Variants in CCDC144A observed in about 807,000 individuals in gnomAD.
The protein encoded by CCDC144A is coiled-coil domain-containing protein 144A.
In CCDC144A, 41 loss-of-function variants were observed where a neutral mutation model predicts 143.8. The ratio of observed to expected loss-of-function variants is 0.29; its 90% confidence interval spans 0.22 to 0.37. The LOEUF (loss-of-function observed/expected upper bound fraction) is 0.37, where lower values mean the gene tolerates loss of function less well. CCDC144A is among the 10% of genes least tolerant of loss of function. The probability of loss-of-function intolerance (pLI) is 1.00; values close to 1 mark genes in which losing one functional copy is unlikely to be tolerated. For synonymous variants in CCDC144A, 242 were observed against 517.9 expected (o/e 0.47, Z 7.23); for missense variants, 637 against 1,488.8 (o/e 0.43, Z 9.41).
chr17:16,695,429 T>A (rs1055396368), intron 2 of CCDC144A: 3 of 151,586 alleles, frequency 2.0e-5, no homozygotes, highest in African/African-American at 7.3e-5. Flanking sequence ...CTCTACTAAA[T>A]TTTTTAAAAA....
intron 12 of CCDC144A, among the ~76,000 whole-genome samples, chr17:16,743,268 G>A (rs554476407): frequency 6.6e-6 from 1 of 151,552 alleles, no homozygotes; most frequent in African/African-American, 2.4e-5. Context: ...TTTTGTATAT[G>A]GTGAAAGATA....
intron 12 of CCDC144A, among the ~76,000 whole-genome samples, chr17:16,755,010 T>G (rs1915009392): frequency 1.3e-5 from 2 of 152,232 alleles, no homozygotes; most frequent in South Asian, 4.1e-4. Flanking sequence ...TTTATTTTAT[T>G]TTTTTTACTT....
intron 2 of CCDC144A, among the ~76,000 whole-genome samples, chr17:16,698,827 A>T (rs1597532686): frequency 6.6e-6 from 1 of 152,254 alleles, no homozygotes; most frequent in African/African-American, 2.4e-5. Flanking sequence ...CAGTTTAGAC[A>T]AACTGACATT....
intron 3 of CCDC144A, chr17:16,705,645 G>C (rs1430241528): frequency 3.9e-5 from 18 of 465,286 alleles, no homozygotes; most frequent in Non-Finnish European, 7.9e-6. Context: ...TTAGAATATA[G>C]GGACTAAGTA....
chr17:16,715,755 G>A (rs1912711746), intron 6 of CCDC144A, among the ~76,000 whole-genome samples: 1 of 152,242 alleles, frequency 6.6e-6, no homozygotes, highest in South Asian at 2.1e-4. Flanking sequence ...TGCGGGAGGA[G>A]CGGACTTGAA....
chr17:16,686,747 AACACACACACACACACACAC>A (rs142329474), upstream of CCDC144A, among the ~76,000 whole-genome samples: 1 of 140,394 alleles, frequency 7.1e-6, no homozygotes, highest in East Asian at 2.0e-4. Context: ...CACACACACA[AACACACACACACACACACAC>A]ACACACACAC....
At position 16,709,214 on chromosome 17, in the gene CCDC144A, A is replaced by G. The variant is rs751072609; in HGVS notation, c.1157A>G (p.His386Arg). The part of the protein sequence containing the change: ...YYHPYSGSQE[H>R]VCQSSSKFHL... ...CATCCATACTCTGGGTCCCAGGAAC[A>G]TGTTTGCCAGTCATCTTCTAAGTTT... The change falls in exon 5 of 17, where the codon CAT becomes CGT. Residue 386 changes from histidine to arginine, a missense_variant. Coordinates refer to ENST00000399273, the MANE Select transcript of CCDC144A (RefSeq NM_001382000.1). The G allele has an allele frequency of 1.9e-6, 3 of 1,611,756 alleles. No individual in the cohort carries two copies. Among genetic ancestry groups the G allele is most frequent in the Non-Finnish European group, 2.5e-6 (3 of 1,179,664 alleles).
chr17:16,737,730 C>G (rs921954681), intron 12 of CCDC144A: 70 of 668,762 alleles, frequency 1.0e-4, no homozygotes, highest in Non-Finnish European at 1.4e-4. Context: ...GAAATAATGT[C>G]AGATGTTTTA....
Position 16,751,936 on chromosome 17 carries a change from C to G in CCDC144A, c.3373-9489C>G, listed in dbSNP as rs545556048. Among the ~76,000 whole-genome samples, 5 of 152,350 alleles carry G rather than the reference C, an allele frequency of 3.3e-5. No homozygotes were observed. The East Asian group carries it at 9.7e-4, about 29-fold the overall frequency. On this transcript the variant is annotated intron_variant, in intron 12 of 16. Transcript: ENST00000399273. ...CAGGCCCAACTAGGTAGTTTTGTCC[C>G]CCAGCCTTCTGTGCCCAGATCAACT...
chr17:16,686,604 G>A (rs1230404149), upstream of CCDC144A, among the ~76,000 whole-genome samples: 5 of 151,746 alleles, frequency 3.3e-5, no homozygotes, highest in Non-Finnish European at 5.9e-5. Flanking sequence ...CCAGGAGTTC[G>A]GGACCAGCCT....
At chr17:16,700,179 G>C (rs1266918973) in intron 2 of CCDC144A, among the ~76,000 whole-genome samples, 1 of 152,134 alleles carries the variant, frequency 6.6e-6, no homozygotes, top group African/African-American at 2.4e-5. Context: ...AGGAAAAGGT[G>C]CATGTGTCAA....
the CCDC144A span, among the ~76,000 whole-genome samples, chr17:16,670,801 C>T: frequency 6.6e-6 from 1 of 151,914 alleles, no homozygotes; most frequent in Non-Finnish European, 1.5e-5. Context: ...GAGCCACCAT[C>T]CCCCGCCCTC....
rs1914905668 is a variant in CCDC144A at position 16,753,432 on chromosome 17, T to TTTTTTGTTGTTGTTG, written c.3373-7988_3373-7987insGTTGTTGTTGTTTTT. Among the ~76,000 whole-genome samples, 6 of 122,912 alleles carry TTTTTTGTTGTTGTTG rather than the reference T, an allele frequency of 4.9e-5. No individual in the cohort carries two copies. In the South Asian group the frequency reaches 1.3e-3, roughly 27 times the overall value. 80.6% of individuals were successfully genotyped at this position (122,912 alleles called of 152,430 possible). On this transcript the variant is annotated intron_variant, in intron 12 of 16. Coordinates refer to ENST00000399273, the MANE Select transcript of CCDC144A (RefSeq NM_001382000.1). ...TTCTTTTGTCAGTGTTTTGTAGTTT[T>TTTTTTGTTGTTGTTG]TTTTTTTTTTTTTTTTTTTTTTTTG...
chr17:16,683,623 A>T, the CCDC144A span: 11 of 1,610,944 alleles, frequency 6.8e-6, no homozygotes, highest in Non-Finnish European at 8.5e-6. Flanking sequence ...TTTGCCACAG[A>T]GGATGAGGCC....
chr17:16,690,901 A>C (rs971435233), intron 1 of CCDC144A, among the ~76,000 whole-genome samples, 157 bp downstream of exon 1: 3 of 152,308 alleles, frequency 2.0e-5, no homozygotes, highest in Admixed American at 2.0e-4. Flanking sequence ...TTACTATTGC[A>C]AAAGTGTTGG....
intron 2 of CCDC144A, among the ~76,000 whole-genome samples, chr17:16,701,756 C>T (rs918851646): frequency 7.9e-5 from 12 of 151,736 alleles, no homozygotes; most frequent in Non-Finnish European, 1.5e-4. Context: ...GCTGAGAAAG[C>T]GTGATCTCTG....
chr17:16,730,455 G>T (rs1913687144), intron 9 of CCDC144A, among the ~76,000 whole-genome samples: 1 of 126,590 alleles, frequency 7.9e-6, no homozygotes, highest in Non-Finnish European at 1.6e-5. Context: ...GCTTGGGATT[G>T]CTTTGGCTAT....
chr17:16,701,337 T>C (rs1305273710), intron 2 of CCDC144A, among the ~76,000 whole-genome samples: 6 of 151,950 alleles, frequency 3.9e-5, no homozygotes, highest in Non-Finnish European at 5.9e-5. Flanking sequence ...TTGAGGAATC[T>C]ACCTTGACAG....
intron 12 of CCDC144A, chr17:16,745,892 T>A: frequency 6.3e-7 from 1 of 1,596,412 alleles, no homozygotes; most frequent in African/African-American, 1.3e-5. Flanking sequence ...GGCCAGGTCC[T>A]TTCCCCCATC....
Sources: allele counts gnomAD v4.1 joint callset (sites outside exome capture counted in the v4.1 genomes callset), GRCh38; gene constraint gnomAD v4.1.1; transcripts MANE v1.5; gene names NCBI Gene and HGNC (gene_info 2026-07-23, HGNC 2026-07-21).